Variants in ARSG observed in about 807,000 individuals in gnomAD.
The protein encoded by ARSG is arylsulfatase G, also known as ASG.
A neutral mutation model predicts 50.5 loss-of-function variants in ARSG; 37 were observed. The observed-to-expected ratio is 0.73, with a 90% confidence interval of 0.56 to 0.96. ARSG has a LOEUF of 0.96. Ranked by LOEUF, ARSG falls within the 50% of genes least tolerant of loss-of-function variation. The probability of loss-of-function intolerance (pLI) is 0.00; values close to 1 mark genes in which losing one functional copy is unlikely to be tolerated. For missense variants in ARSG, 629 were observed against 675.3 expected (o/e 0.93, Z 0.76); for synonymous variants, 225 against 254.6 (o/e 0.88, Z 1.11).
chr17:68,361,528 A>G (rs113412154), intron 6 of ARSG, among the ~76,000 whole-genome samples: 1 of 152,000 alleles, frequency 6.6e-6, no homozygotes, highest in South Asian at 2.1e-4. Flanking sequence ...AGTCTGCACA[A>G]CATAGTGAGA....
At chr17:68,449,940 G>A in the ARSG span, among the ~76,000 whole-genome samples, 1 of 152,198 alleles carries the variant, frequency 6.6e-6, no homozygotes, top group Non-Finnish European at 1.5e-5. Flanking sequence ...GAGCCTGGGA[G>A]ATGGAGGCTG....
At chr17:68,443,141 C>T in the ARSG span, among the ~76,000 whole-genome samples, 1 of 152,078 alleles carries the variant, frequency 6.6e-6, no homozygotes, top group Non-Finnish European at 1.5e-5. Flanking sequence ...GACAGAGTCT[C>T]GATCTGTTGC....
chr17:68,270,664 G>C (rs1305669886), intron 1 of ARSG, among the ~76,000 whole-genome samples: 1 of 152,016 alleles, frequency 6.6e-6, no homozygotes, highest in Non-Finnish European at 1.5e-5. Context: ...TTGGCCTTCA[G>C]TTTCCTCATA....
chr17:68,268,185 G>C (rs1555747016), intron 1 of ARSG: 2 of 152,404 alleles, frequency 1.3e-5, no homozygotes, highest in Non-Finnish European at 2.9e-5. Flanking sequence ...ATTGCAGAAA[G>C]GAGGTAAAAA....
intron 5 of ARSG, among the ~76,000 whole-genome samples, chr17:68,354,450 A>G (rs1766849686): frequency 6.6e-6 from 1 of 151,896 alleles, no homozygotes; most frequent in South Asian, 2.1e-4. Flanking sequence ...AAAAAATCAA[A>G]CAGAGAAATA....
intron 2 of ARSG, among the ~76,000 whole-genome samples, chr17:68,324,070 CAA>C (rs57040262): frequency 0.1 from 9,166 of 89,652 alleles, 339 homozygotes; most frequent in Middle Eastern, 0.17. Flanking sequence ...AAAACTCCAT[CAA>C]AAAAAAAAAA....
chr17:68,262,036 A>G (rs2075078733), intron 1 of ARSG, among the ~76,000 whole-genome samples: 1 of 152,022 alleles, frequency 6.6e-6, no homozygotes, highest in Non-Finnish European at 1.5e-5. Context: ...GGGTGCCTGT[A>G]ATCTCAGCTA....
chr17:68,260,741 C>T (rs797032841), intron 1 of ARSG, among the ~76,000 whole-genome samples: 20 of 152,246 alleles, frequency 1.3e-4, no homozygotes, highest in African/African-American at 4.8e-4. Flanking sequence ...AATCTGCCTG[C>T]CTTGGCCTCC....
At chr17:68,354,384 GC>G (rs760443499) in intron 5 of ARSG, among the ~76,000 whole-genome samples, 29 of 149,302 alleles carry the variant, frequency 1.9e-4, no homozygotes, top group Admixed American at 6.7e-4. Context: ...CTGCACTTCA[GC>G]CTGGGTGACA....
At chr17:68,294,567 G>T (rs1256559921) in intron 1 of ARSG, among the ~76,000 whole-genome samples, 1 of 152,146 alleles carries the variant, frequency 6.6e-6, no homozygotes, top group Non-Finnish European at 1.5e-5. Flanking sequence ...CAAAGGGGGA[G>T]AATATGTGAA....
intron 11 of ARSG, among the ~76,000 whole-genome samples, chr17:68,405,443 T>C (rs917479013): frequency 6.6e-6 from 1 of 152,188 alleles, no homozygotes; most frequent in Non-Finnish European, 1.5e-5. Flanking sequence ...TTTGATGCCA[T>C]TGTAAATGAA....
chr17:68,426,235 T>A, downstream of ARSG: 1 of 652,396 alleles, frequency 1.5e-6, no homozygotes, highest in African/African-American at 2.7e-5. Context: ...TGCCATGACC[T>A]GGCGGGTGGG....
chr17:68,444,682 T>TCTG, the ARSG span: 1 of 1,060,894 alleles, frequency 9.4e-7, no homozygotes, highest in Non-Finnish European at 1.4e-6. Flanking sequence ...GAGTCCTAAC[T>TCTG]TGATTCTAAG....
At chr17:68,314,902 C>A (rs527996383) in intron 2 of ARSG, among the ~76,000 whole-genome samples, 1 of 152,128 alleles carries the variant, frequency 6.6e-6, no homozygotes, top group African/African-American at 2.4e-5. Flanking sequence ...AGGTGGAGTT[C>A]CAGTGACAAA....
chr17:68,430,959 A>AG, the ARSG span, among the ~76,000 whole-genome samples: 1 of 152,130 alleles, frequency 6.6e-6, no homozygotes, highest in Non-Finnish European at 1.5e-5. Flanking sequence ...CCAATGGGCT[A>AG]GGGGGTCTTT....
At chr17:68,405,558 ATTAG>A (rs915065056) in intron 11 of ARSG, among the ~76,000 whole-genome samples, 2 of 151,954 alleles carry the variant, frequency 1.3e-5, no homozygotes, top group Admixed American at 6.6e-5. Context: ...GAATTCCTTT[ATTAG>A]TTCTGTTTTT....
At chr17:68,427,069 G>A (rs117335455), downstream of ARSG, 3,882 of 1,334,586 alleles carry the variant, frequency 2.9e-3, 115 homozygotes, top group East Asian at 0.056. Context: ...GGGAGGGAGC[G>A]TGCAGGGAGA....
At chr17:68,414,267 A>G (rs2082230860) in intron 11 of ARSG, 1 of 152,218 alleles carries the variant, frequency 6.6e-6, no homozygotes, top group Non-Finnish European at 1.5e-5. Flanking sequence ...GCATCTATTG[A>G]GATGACCATG....
chr17:68,429,008 C>T, the ARSG span: 16 of 1,128,638 alleles, frequency 1.4e-5, no homozygotes, highest in African/African-American at 2.3e-4. Flanking sequence ...AATGACAAAG[C>T]CCCCCTCACC....
Sources: gnomAD v4.1 joint callset for allele counts (sites outside exome capture counted in the v4.1 genomes callset) on GRCh38, gnomAD v4.1.1 for gene constraint, MANE v1.5 for transcripts, NCBI Gene and HGNC (gene_info 2026-07-23, HGNC 2026-07-21) for gene names.